ZMYM4: variants seen among roughly 807,000 people sequenced by gnomAD.
ZMYM4 encodes the protein zinc finger MYM-type containing 4, also known as zinc finger MYM-type protein 4.
In ZMYM4, 31 loss-of-function variants were observed where a neutral mutation model predicts 183.2. The observed-to-expected ratio is 0.17, with a 90% confidence interval of 0.13 to 0.23. ZMYM4 has a LOEUF of 0.23. Ranked by LOEUF, ZMYM4 falls within the 10% of genes least tolerant of loss-of-function variation. The pLI, the probability that ZMYM4 is intolerant of heterozygous loss-of-function variation, is 1.00. For missense variants in ZMYM4, 1,273 were observed against 1,840.3 expected, an observed-to-expected ratio of 0.69 and a Z score of 5.64; for synonymous variants, 592 against 631.2, an observed-to-expected ratio of 0.94 and a Z score of 0.93.
chr1:35,411,877 T>TTTTG lies in ZMYM4; in HGVS notation c.3949-2079_3949-2076dup, dbSNP rs369876059. 2.2e-4 allele frequency among the ~76,000 whole-genome samples: 33 copies of TTTTG among 152,198 alleles called. No individual in the cohort carries two copies. In the Middle Eastern group the frequency reaches 0.014, roughly 63 times the overall value. On this transcript the variant is annotated intron_variant, in intron 26 of 29. Coordinates refer to ENST00000314607, the MANE Select transcript of ZMYM4 (RefSeq NM_005095.3). ...TTTGATGCTTTGGTAAACATGGGAC[T>TTTTG]TTTGTTTGTTTGTTTGTTTTTTTGA...
chr1:35,392,591 T>C lies in ZMYM4; in HGVS notation c.2729-56T>C, dbSNP rs529033091. The C allele has an allele frequency of 6.9e-5, 103 of 1,486,956 alleles. 2 individuals carry two copies. In the South Asian group the frequency reaches 1.2e-3, roughly 17 times the overall value. 92.1% of individuals were successfully genotyped at this position (1,486,956 alleles called of 1,614,324 possible). A position where few individuals can be genotyped will look rare whatever the true frequency, so the allele number is the denominator to read the frequency against. ...TTATGTACTGATAATCAGCTTTTAA[T>C]GCTAATGTTAAAATAATTGTAAAGA... On this transcript the variant is annotated intron_variant, in intron 16 of 29. Transcript: ENST00000314607.
At chr1:35,388,834 C>T in intron 13 of ZMYM4, 76 bp from the exon 14 acceptor site, 2 of 1,393,956 alleles carry the variant, frequency 1.4e-6, no homozygotes, top group Non-Finnish European at 2.0e-6. Flanking sequence ...CTGCACCGGG[C>T]CTGTCCTAGG....
rs1188732593 is a variant in ZMYM4 at position 35,420,091 on chromosome 1, G to A, written c.*414G>A. On this transcript the variant is annotated 3_prime_UTR_variant, in exon 30 of 30. Transcript: ENST00000314607. Reference sequence around the variant, plus strand: ...TTTGGCAAGCCCTCCGTAAAAGTCAGAGGAGAGATCAGTACAGAGCTAAGA... The same window carrying A: ...TTTGGCAAGCCCTCCGTAAAAGTCAAAGGAGAGATCAGTACAGAGCTAAGA... The A allele has an allele frequency of 1.1e-5, 3 of 273,672 alleles. No homozygotes were observed. Among genetic ancestry groups the A allele is most frequent in the African/African-American group, 2.2e-5 (1 of 45,758 alleles). The allele number at this position is 273,672 out of a possible 1,614,324, so 17.0% of individuals were successfully genotyped here. A position where few individuals can be genotyped will look rare whatever the true frequency, so the allele number is the denominator to read the frequency against.
At chr1:35,348,001 A>T (rs1266214872) in intron 2 of ZMYM4, among the ~76,000 whole-genome samples, 1 of 152,186 alleles carries the variant, frequency 6.6e-6, no homozygotes, top group Non-Finnish European at 1.5e-5. Context: ...ATGTTTTATC[A>T]GTTTATATAG....
chr1:35,287,024 A>AT (rs912873799), intron 1 of ZMYM4, among the ~76,000 whole-genome samples: 25 of 151,666 alleles, frequency 1.6e-4, no homozygotes, highest in African/African-American at 5.3e-4. Context: ...AGATTATTTT[A>AT]TTTGACTTTT....
Position 35,269,085 on chromosome 1 carries a change from G to C in ZMYM4, c.39G>C (p.Arg13Ser). The C allele has an allele frequency of 6.5e-7, 1 of 1,549,396 alleles. No homozygotes were observed. The highest frequency in any genetic ancestry group is 2.4e-5 in the East Asian group (1 of 41,122). Residue 13 changes from arginine (R) to serine (S), a missense_variant and splice_region_variant, in exon 1 of 30, where the codon AGG becomes AGC. Coordinates refer to ENST00000314607, the MANE Select transcript of ZMYM4 (RefSeq NM_005095.3). ...AGGTGGAGTCCGGCCCCCGAAAGAG[G>C]GTAGGTGAGGTGAGGCAGAACTCGG... Reference protein sequence around the residue: ...EREVESGPRKRFEQKSGAVFD... With the variant: ...EREVESGPRKSFEQKSGAVFD...
intron 15 of ZMYM4, among the ~76,000 whole-genome samples, chr1:35,391,340 C>T (rs945284353): frequency 6.6e-6 from 1 of 152,170 alleles, no homozygotes; most frequent in Non-Finnish European, 1.5e-5. Flanking sequence ...TTCTCCCCCA[C>T]CTGGGCCCCT....
chr1:35,323,260 C>T (rs1412838875), intron 1 of ZMYM4, among the ~76,000 whole-genome samples: 4 of 152,130 alleles, frequency 2.6e-5, no homozygotes, highest in Admixed American at 2.6e-4. Flanking sequence ...CCTTGGCCTC[C>T]CAGAGTGCTG....
intron 1 of ZMYM4, among the ~76,000 whole-genome samples, chr1:35,288,835 AT>A (rs1422965568): frequency 6.6e-6 from 1 of 152,124 alleles, no homozygotes; most frequent in Non-Finnish European, 1.5e-5. Context: ...ATGACCTATA[AT>A]TTGTGTCCTG....
At chr1:35,351,682 C>G (rs1643612309) in intron 2 of ZMYM4, 1 of 494,750 alleles carries the variant, frequency 2.0e-6, no homozygotes, top group African/African-American at 1.9e-5. Flanking sequence ...CAACAAAAAA[C>G]AGAAATCAAA....
At chr1:35,341,327 C>G (rs903339462) in intron 2 of ZMYM4, among the ~76,000 whole-genome samples, 3 of 151,974 alleles carry the variant, frequency 2.0e-5, no homozygotes, top group Non-Finnish European at 2.9e-5. Flanking sequence ...ACATATATTA[C>G]TTTTGGGCAG....
At chr1:35,305,456 T>A (rs777321471) in intron 1 of ZMYM4, among the ~76,000 whole-genome samples, 5 of 152,154 alleles carry the variant, frequency 3.3e-5, no homozygotes, top group Non-Finnish European at 5.9e-5. Flanking sequence ...AAGATTTTTT[T>A]TCTCAGGTGA....
At chr1:35,349,554 G>A (rs916685297) in intron 2 of ZMYM4, among the ~76,000 whole-genome samples, 6 of 152,038 alleles carry the variant, frequency 3.9e-5, no homozygotes, top group East Asian at 1.9e-4. Flanking sequence ...GCGGCCGAGC[G>A]CGGTGGCTCA....
chr1:35,338,185 G>C (rs1412193806), intron 2 of ZMYM4, among the ~76,000 whole-genome samples: 1 of 152,118 alleles, frequency 6.6e-6, no homozygotes, highest in Non-Finnish European at 1.5e-5. Flanking sequence ...CCTGCTGTAG[G>C]GTATATTTGA....
chr1:35,370,365 TTTA>T lies in ZMYM4; in HGVS notation c.926-6_926-4del. ...TTTTTTTTTTTTTTTTTTTTTTTTT[TTTA>T]AAGCTCCACAGTTGACTACTGGCTT... On this transcript the variant is annotated splice_region_variant and splice_polypyrimidine_tract_variant and intron_variant, in intron 6 of 29. Coordinates refer to ENST00000314607, the MANE Select transcript of ZMYM4 (RefSeq NM_005095.3). The T allele has an allele frequency of 3.5e-6, 5 of 1,432,272 alleles. No homozygotes were observed. Among genetic ancestry groups the T allele is most frequent in the East Asian group, 2.6e-5 (1 of 38,244 alleles). The allele number at this position is 1,432,272 out of a possible 1,614,324, so 88.7% of individuals were successfully genotyped here.
rs925263850 is a variant in ZMYM4, at chr1:35,371,137, A to G, written c.1181+510A>G. 8.7e-5 allele frequency among the ~76,000 whole-genome samples: 13 copies of G among 148,636 alleles called. No homozygotes were observed. The South Asian group carries it at 2.3e-3, about 27-fold the overall frequency. On this transcript the variant is annotated intron_variant, in intron 7 of 29. Coordinates refer to ENST00000314607, the MANE Select transcript of ZMYM4 (RefSeq NM_005095.3). Reference sequence around the variant, plus strand: ...CATTTATTTATTTATTTATTTTGAGACGGAGTCTCGCTCTGTTGCCCAGGC... The same window carrying G: ...CATTTATTTATTTATTTATTTTGAGGCGGAGTCTCGCTCTGTTGCCCAGGC...
chr1:35,285,649 T>C (rs1370545425), intron 1 of ZMYM4, among the ~76,000 whole-genome samples: 2 of 152,208 alleles, frequency 1.3e-5, no homozygotes, highest in Non-Finnish European at 2.9e-5. Flanking sequence ...TTAGGTGTTA[T>C]AAGTAATCTA....
intron 2 of ZMYM4, among the ~76,000 whole-genome samples, chr1:35,357,129 A>C (rs891709075): frequency 2.0e-5 from 3 of 152,136 alleles, no homozygotes; most frequent in Non-Finnish European, 4.4e-5. Flanking sequence ...GCCTCAAACA[A>C]TCCTCTGGCC....
chr1:35,385,036 G>A (rs1029282207), intron 9 of ZMYM4, among the ~76,000 whole-genome samples: 2 of 151,660 alleles, frequency 1.3e-5, no homozygotes, highest in Non-Finnish European at 2.9e-5. Flanking sequence ...GTAGAGGCAG[G>A]GTTTCACCAT....
Sources: allele counts gnomAD v4.1 joint callset (sites outside exome capture counted in the v4.1 genomes callset), GRCh38; gene constraint gnomAD v4.1.1; transcripts MANE v1.5; gene names NCBI Gene and HGNC (gene_info 2026-07-23, HGNC 2026-07-21).